CAMK1D: variants seen among roughly 807,000 people sequenced by gnomAD.
CAMK1D encodes calcium/calmodulin-dependent protein kinase type 1D.
A neutral mutation model predicts 47.7 loss-of-function variants in CAMK1D; 9 were observed. That is an observed-to-expected ratio of 0.19 (90% CI 0.11 to 0.33). The LOEUF is 0.33. Among genes scored for constraint, CAMK1D ranks in the 10% least tolerant of loss-of-function variants. CAMK1D has a pLI of 1.00. For synonymous variants in CAMK1D, 184 were observed against 184.9 expected (o/e 0.99, Z 0.04); for missense variants, 291 against 488.7 (o/e 0.60, Z 3.81).
At chr10:12,784,191 A>G (rs1837618052) in intron 5 of CAMK1D, among the ~76,000 whole-genome samples, 1 of 133,700 alleles carries the variant, frequency 7.5e-6, no homozygotes, top group Admixed American at 8.9e-5. Context: ...TTCCTTGGAG[A>G]AAAGGTATTT....
intron 2 of CAMK1D, among the ~76,000 whole-genome samples, chr10:12,598,223 T>C (rs1369613973): frequency 6.6e-6 from 1 of 152,190 alleles, no homozygotes; most frequent in Non-Finnish European, 1.5e-5. Flanking sequence ...CTTAAGGATG[T>C]TCAATTGCTT....
At chr10:12,369,669 A>G (rs1837948906) in intron 1 of CAMK1D, among the ~76,000 whole-genome samples, 2 of 152,176 alleles carry the variant, frequency 1.3e-5, no homozygotes, top group African/African-American at 4.8e-5. Context: ...TTTAAATAGC[A>G]TTATGTTGGC....
intron 5 of CAMK1D, among the ~76,000 whole-genome samples, chr10:12,782,802 C>T (rs1837557215): frequency 6.6e-6 from 1 of 152,164 alleles, no homozygotes. Context: ...CTTTTCCTTG[C>T]AGGCGTAACT....
rs988274930 is a variant in CAMK1D, at chr10:12,820,633, G to C, written c.834-3832G>C. ...CTCTTCTGACTTCAGCAGGGCCACCGAGGGCGAGGGAGGCCTTGGCAATCA... is the reference window on the plus strand; with the variant it reads ...CTCTTCTGACTTCAGCAGGGCCACCCAGGGCGAGGGAGGCCTTGGCAATCA... On this transcript the variant is annotated intron_variant, in intron 8 of 10. Coordinates refer to ENST00000619168, the MANE Select transcript of CAMK1D (RefSeq NM_153498.4). Among the ~76,000 whole-genome samples, 4 of 152,100 alleles carry C rather than the reference G, an allele frequency of 2.6e-5. No individual in the cohort carries two copies. The South Asian group carries it at 8.3e-4, about 32-fold the overall frequency.
intron 6 of CAMK1D, among the ~76,000 whole-genome samples, chr10:12,808,058 A>G: frequency 6.6e-6 from 1 of 152,182 alleles, no homozygotes; most frequent in East Asian, 1.9e-4. Context: ...TCCATGCTGG[A>G]ATAAACTGCT....
chr10:12,697,690 C>T (rs1200273997), intron 3 of CAMK1D, among the ~76,000 whole-genome samples: 2 of 152,188 alleles, frequency 1.3e-5, no homozygotes, highest in African/African-American at 2.4e-5. Flanking sequence ...TGAGCCACTC[C>T]ACCCAGCCAA....
At chr10:12,753,950 G>A in intron 3 of CAMK1D, among the ~76,000 whole-genome samples, 1 of 152,144 alleles carries the variant, frequency 6.6e-6, no homozygotes, top group Non-Finnish European at 1.5e-5. Context: ...GAGTGCAGTG[G>A]TGTGATCTTG....
intron 1 of CAMK1D, among the ~76,000 whole-genome samples, chr10:12,473,222 C>G (rs1833801292): frequency 6.6e-6 from 1 of 152,108 alleles, no homozygotes; most frequent in Non-Finnish European, 1.5e-5. Flanking sequence ...GGAGAAGTTG[C>G]ACTTGGAAAA....
At chr10:12,663,360 T>C (rs984127872) in intron 2 of CAMK1D, among the ~76,000 whole-genome samples, 2 of 152,152 alleles carry the variant, frequency 1.3e-5, no homozygotes, top group Admixed American at 6.5e-5. Flanking sequence ...TGAGTGATGA[T>C]AGAGCAATGA....
intron 1 of CAMK1D, among the ~76,000 whole-genome samples, chr10:12,404,515 G>A (rs1839342354): frequency 6.6e-6 from 1 of 152,152 alleles, no homozygotes; most frequent in East Asian, 1.9e-4. Flanking sequence ...ATTTAAACAA[G>A]TGTAGGAAAG....
At chr10:12,418,013 G>A (rs561707259) in intron 1 of CAMK1D, among the ~76,000 whole-genome samples, 1 of 152,112 alleles carries the variant, frequency 6.6e-6, no homozygotes, top group Non-Finnish European at 1.5e-5. Flanking sequence ...TGTTGGCCAG[G>A]CTGGTCTCGA....
chr10:12,708,746 G>T (rs138133567), intron 3 of CAMK1D, among the ~76,000 whole-genome samples: 1 of 152,104 alleles, frequency 6.6e-6, no homozygotes, highest in African/African-American at 2.4e-5. Flanking sequence ...AGGTTGTTAG[G>T]GACTCTTTGG....
intron 2 of CAMK1D, among the ~76,000 whole-genome samples, chr10:12,639,439 C>T (rs944337773): frequency 3.3e-5 from 5 of 152,200 alleles, no homozygotes; most frequent in Non-Finnish European, 2.9e-5. Context: ...GAGCCAAGAT[C>T]ACGCCATCGC....
rs541788038 is a variant in CAMK1D at position 12,720,899 on chromosome 10, G to A, written c.300-40049G>A. ...AGGCCCAAGGACATAAATGAACCAC[G>A]TGAGTCATTTTTCAAAAGTGAACGA... is the stretch of plus-strand genomic sequence containing the variant. On this transcript the variant is annotated intron_variant, in intron 3 of 10. Transcript: ENST00000619168. Among the ~76,000 whole-genome samples, 3 of 152,296 alleles carry A rather than the reference G, an allele frequency of 2.0e-5. No individual in the cohort carries two copies. The East Asian group carries it at 5.8e-4, about 29-fold the overall frequency.
At chr10:12,371,848 G>T (rs1442258344) in intron 1 of CAMK1D, among the ~76,000 whole-genome samples, 12 of 152,050 alleles carry the variant, frequency 7.9e-5, no homozygotes. Context: ...TGTATTTTTA[G>T]TAGAGATGGG....
chr10:12,721,399 G>A (rs17152145), intron 3 of CAMK1D, among the ~76,000 whole-genome samples: 11,434 of 152,128 alleles, frequency 0.075, 1,325 homozygotes, highest in African/African-American at 0.25. Context: ...ATGTATCGGC[G>A]GGCTGTGCAT....
intron 3 of CAMK1D, among the ~76,000 whole-genome samples, chr10:12,691,181 A>G (rs1832863325): frequency 1.3e-5 from 2 of 151,658 alleles, no homozygotes; most frequent in South Asian, 2.1e-4. Flanking sequence ...GATGCTTGCA[A>G]CTGAAGAAAG....
At chr10:12,470,029 G>A (rs1186649465) in intron 1 of CAMK1D, among the ~76,000 whole-genome samples, 1 of 152,160 alleles carries the variant, frequency 6.6e-6, no homozygotes, top group Non-Finnish European at 1.5e-5. Context: ...CTTTGGACTT[G>A]AAGATATGTC....
At chr10:12,626,018 C>A (rs1588705402) in intron 2 of CAMK1D, among the ~76,000 whole-genome samples, 1 of 152,166 alleles carries the variant, frequency 6.6e-6, no homozygotes, top group Non-Finnish European at 1.5e-5. Context: ...GACACAAATA[C>A]ATATGTCAAA....
Sources: allele counts gnomAD v4.1 joint callset (sites outside exome capture counted in the v4.1 genomes callset), GRCh38; gene constraint gnomAD v4.1.1; transcripts MANE v1.5; gene names NCBI Gene and HGNC (gene_info 2026-07-23, HGNC 2026-07-21).